The following ADAMTS7 variants were observed in gnomAD, a reference collection of about 807,000 sequenced individuals.
ADAMTS7 encodes the protein A disintegrin and metalloproteinase with thrombospondin motifs 7.
A neutral mutation model predicts 172.6 loss-of-function variants in ADAMTS7; 89 were observed. The observed-to-expected ratio is 0.52, with a 90% CI of 0.43 to 0.61. The LOEUF (loss-of-function observed/expected upper bound fraction) is 0.61, where lower values mean the gene tolerates loss of function less well. ADAMTS7 is among the 20% of genes least tolerant of loss of function. The pLI is 0.00. For synonymous variants in ADAMTS7, 885 were observed against 978.4 expected (o/e 0.90, Z 1.78); for missense variants, 1,973 against 2,355.6 (o/e 0.84, Z 3.36).
chr15:78,806,127 CAAAAAAAAAAAAAAA>C lies in ADAMTS7; in HGVS notation c.100+4979_100+4993del, dbSNP rs1169680816. 6.5e-4 allele frequency among the ~76,000 whole-genome samples: 15 copies of C among 23,248 alleles called. No homozygotes were observed. The South Asian group carries it at 8.0e-3, about 12-fold the overall frequency. 15.3% of individuals were successfully genotyped at this position (23,248 alleles called of 152,430 possible). A position where few individuals can be genotyped will look rare whatever the true frequency, so the allele number is the denominator to read the frequency against. On this transcript the variant is annotated intron_variant, in intron 1 of 23. Transcript: ENST00000388820. ...ACACACACACACACACACACACACA[CAAAAAAAAAAAAAAA>C]AAAAAAAAAAAAACAGAAAAATGGG...
rs4887103 is a variant in ADAMTS7, at chr15:78,775,271, T to C, written c.1707-478A>G. Among the ~76,000 whole-genome samples, 368 of 151,636 alleles carry C rather than the reference T, an allele frequency of 2.4e-3. 1 individual carries two copies. The highest frequency in any genetic ancestry group is 8.1e-3 in the Admixed American group (124 of 15,282). On this transcript the variant is annotated intron_variant, in intron 11 of 23. Transcript: ENST00000388820. The stretch of plus-strand genomic sequence containing the variant: ...ACCCCCAGCCCGGGTCTAAAGGAAG[T>C]GCCTAGGGCCCCAGCCAGCTGAAAG...
Position 78,764,575 on chromosome 15 carries a change from G to A in ADAMTS7, c.4399C>T (p.His1467Tyr), listed in dbSNP as rs1444692386. ...RCHLRPCATW[H>Y]SGNWSKCSRS... ...CGCACCTTACTCCAGTTGCCTGAGT[G>A]CCAGGTGGCACAGGGCCGCAGGTGG... is the stretch of plus-strand genomic sequence containing the variant. The change falls in exon 20 of 24, where the codon CAC becomes TAC. Residue 1467 changes from histidine to tyrosine, a missense_variant. By Grantham distance (83) the His-to-Tyr change is moderately conservative. Transcript: ENST00000388820. 1.9e-5 allele frequency: 29 copies of A among 1,554,778 alleles called. No homozygotes were observed. Among genetic ancestry groups the A allele is most frequent in the Non-Finnish European group, 2.4e-5 (28 of 1,158,162 alleles).
chr15:78,772,067 A>C (rs1282243404), intron 14 of ADAMTS7, among the ~76,000 whole-genome samples: 1 of 152,150 alleles, frequency 6.6e-6, no homozygotes, highest in African/African-American at 2.4e-5. Context: ...CACTGGTCTC[A>C]TCATAAGGCT....
At chr15:78,788,123 C>T in intron 8 of ADAMTS7, 108 bp downstream of exon 8, 5 of 1,441,968 alleles carry the variant, frequency 3.5e-6, no homozygotes, top group Non-Finnish European at 4.7e-6. Context: ...AAGATCTTGC[C>T]CCTCTGCTTC....
chr15:78,798,817 G>C (rs559419427), intron 2 of ADAMTS7, among the ~76,000 whole-genome samples: 38 of 152,346 alleles, frequency 2.5e-4, no homozygotes, highest in African/African-American at 8.9e-4. Flanking sequence ...AAGGTTTTAT[G>C]TCCCTCGGAC....
In ADAMTS7 at chr15:78,764,023, C is replaced by T. The variant is rs1220397265; in HGVS notation, c.4496G>A (p.Arg1499Gln). ...CVDTRDLRPL[R>Q]PFHCQPGPAK... ...AGGCCCGGGCTGACAATGGAAGGGC[C>T]GCAGTGGCCGGAGGTCCCGTGTGTC... The change falls in exon 21 of 24, where the codon CGG becomes CAG. Residue 1499 changes from arginine (R) to glutamine (Q), a missense_variant. Physicochemically the swap from Arg to Gln is conservative, Grantham distance 43. Transcript: ENST00000388820. 21 of 1,541,096 alleles carry T rather than the reference C, an allele frequency of 1.4e-5. No individual in the cohort carries two copies. The East Asian group carries it at 3.2e-4, about 23-fold the overall frequency.
At position 78,759,502 on chromosome 15, in the gene ADAMTS7, G is replaced by A. The variant is rs754208411; in HGVS notation, c.4980C>T (p.Ile1660=). Residue 1660 remains isoleucine (I), a synonymous_variant, in exon 24 of 24, where the codon ATC becomes ATT. Transcript: ENST00000388820. The part of the protein sequence containing the change: ...RLLGRCQLPT[I]RTQCCRSCSP... ...AGCACGAGCGGCAGCACTGGGTGCG[G>A]ATGGTGGGCAGCTGGCAGCGGCCCA... 2 of 1,597,900 alleles carry A rather than the reference G, an allele frequency of 1.3e-6. No homozygotes were observed. Among genetic ancestry groups the A allele is most frequent in the Admixed American group, 1.7e-5 (1 of 59,602 alleles).
intron 1 of ADAMTS7, among the ~76,000 whole-genome samples, chr15:78,804,566 C>T (rs1300762080): frequency 3.9e-5 from 6 of 152,214 alleles, no homozygotes; most frequent in East Asian, 1.9e-4. Context: ...CAGCAGGCTG[C>T]GGAAACCAAA....
At chr15:78,802,398 T>C (rs2055737263) in intron 1 of ADAMTS7, among the ~76,000 whole-genome samples, 1 of 152,224 alleles carries the variant, frequency 6.6e-6, no homozygotes, top group Non-Finnish European at 1.5e-5. Flanking sequence ...GTGAGCATTC[T>C]GCAAGTGTCT....
In ADAMTS7 at chr15:78,790,665, A is replaced by G. The variant is rs1398433908; in HGVS notation, c.1028+5T>C. ...CAGGCTCCCACCCTCCTGCGGCTGC[A>G]GTACCTGGTGAGCAGGATGGCAGTG... is the stretch of plus-strand genomic sequence containing the variant. On this transcript the variant is annotated splice_donor_5th_base_variant and intron_variant, in intron 6 of 23. Transcript: ENST00000388820. 1 of 1,613,428 alleles carries G rather than the reference A, an allele frequency of 6.2e-7. No homozygotes were observed. The highest frequency in any genetic ancestry group is 8.5e-7 in the Non-Finnish European group (1 of 1,179,920).
intron 1 of ADAMTS7, among the ~76,000 whole-genome samples, chr15:78,806,179 C>G (rs1026402486): frequency 7.1e-6 from 1 of 141,800 alleles, no homozygotes; most frequent in African/African-American, 2.7e-5. Context: ...GCAGTAGACC[C>G]AAGACCCCCA....
rs184177530 is a variant in ADAMTS7, at chr15:78,801,210, C to T, written c.101-663G>A. On this transcript the variant is annotated intron_variant, in intron 1 of 23. Transcript: ENST00000388820. The stretch of plus-strand genomic sequence containing the variant: ...TCGTCTTACTCTACTCATCGTCTCT[C>T]CTGCAATGGCGCCCATCTCACTCAG... Among the ~76,000 whole-genome samples, 3 of 152,344 alleles carry T rather than the reference C, an allele frequency of 2.0e-5. No homozygotes were observed. The East Asian group carries it at 5.8e-4, about 29-fold the overall frequency.
chr15:78,774,387 A>G, intron 12 of ADAMTS7, 87 bp from the exon 13 acceptor site: 2 of 1,462,296 alleles, frequency 1.4e-6, no homozygotes, highest in Admixed American at 2.2e-5. Flanking sequence ...ACACACATCC[A>G]TGGCAGGCTG....
chr15:78,799,154 C>T (rs2055685681), intron 2 of ADAMTS7, among the ~76,000 whole-genome samples: 1 of 148,700 alleles, frequency 6.7e-6, no homozygotes, highest in Non-Finnish European at 1.5e-5. Context: ...AAGGTCCAGA[C>T]GTTGTGCAGC....
At position 78,764,594 on chromosome 15, in the gene ADAMTS7, C is replaced by T; in HGVS notation, c.4380G>A (p.Leu1460=). Residue 1460 remains leucine, a synonymous_variant, in exon 20 of 24, where the codon CTG becomes CTA. Transcript: ENST00000388820. ...GRPQPARRCH[L]RPCATWHSGN... Reference sequence around the variant, plus strand: ...CTGAGTGCCAGGTGGCACAGGGCCGCAGGTGGCAGCGGCGGGCAGGCTGGG... The same window carrying T: ...CTGAGTGCCAGGTGGCACAGGGCCGTAGGTGGCAGCGGCGGGCAGGCTGGG... The T allele has an allele frequency of 1.1e-5, 17 of 1,561,172 alleles. No individual in the cohort carries two copies. Among genetic ancestry groups the T allele is most frequent in the Non-Finnish European group, 1.4e-5 (16 of 1,161,602 alleles).
intron 8 of ADAMTS7, among the ~76,000 whole-genome samples, chr15:78,781,619 G>T (rs2055429895): frequency 6.6e-6 from 1 of 152,164 alleles, no homozygotes; most frequent in Admixed American, 6.5e-5. Context: ...ACAGAGACTT[G>T]TCTGTCTGTC....
chr15:78,760,201 C>T (rs1442104491), intron 23 of ADAMTS7, among the ~76,000 whole-genome samples: 1 of 150,782 alleles, frequency 6.6e-6, no homozygotes, highest in Non-Finnish European at 1.5e-5. Flanking sequence ...GCCCAGCCTG[C>T]TGGGGAGGGA....
intron 3 of ADAMTS7, among the ~76,000 whole-genome samples, chr15:78,797,402 G>A (rs1438555030): frequency 6.6e-6 from 1 of 152,250 alleles, no homozygotes; most frequent in Non-Finnish European, 1.5e-5. Flanking sequence ...TGGCTTGCTA[G>A]CCAAGCATTC....
chr15:78,763,351 C>T (rs554241213), intron 22 of ADAMTS7, among the ~76,000 whole-genome samples: 3 of 152,344 alleles, frequency 2.0e-5, no homozygotes, highest in Non-Finnish European at 2.9e-5. Flanking sequence ...CCCCTTCTGC[C>T]GCTGGCCTTT....
Sources: allele counts gnomAD v4.1 joint callset (sites outside exome capture counted in the v4.1 genomes callset), GRCh38; gene constraint gnomAD v4.1.1; transcripts MANE v1.5; gene names NCBI Gene and HGNC (gene_info 2026-07-23, HGNC 2026-07-21).